The following SEMA5A variants were observed in gnomAD, a reference collection of about 807,000 sequenced individuals.
SEMA5A encodes semaphorin 5A.
SEMA5A carries 55 observed loss-of-function variants against 135.5 expected under a neutral mutation model. The observed-to-expected ratio is 0.41, with a 90% CI of 0.33 to 0.51. The LOEUF (loss-of-function observed/expected upper bound fraction) is 0.51, where lower values mean the gene tolerates loss of function less well. Ranked by LOEUF, SEMA5A falls within the 20% of genes least tolerant of loss-of-function variation. The pLI is 0.37. For missense variants in SEMA5A, 1,290 were observed against 1,419.9 expected (o/e 0.91, Z 1.47); for synonymous variants, 580 against 546.5 (o/e 1.06, Z -0.85).
intron 19 of SEMA5A, among the ~76,000 whole-genome samples, chr5:9,052,514 G>C (rs1162481935): frequency 6.6e-6 from 1 of 152,136 alleles, no homozygotes; most frequent in Non-Finnish European, 1.5e-5. Flanking sequence ...GAGAGTCCTG[G>C]GTTGCTGAAA....
chr5:9,371,213 CTT>C (rs1309505994), intron 3 of SEMA5A, among the ~76,000 whole-genome samples: 2 of 152,042 alleles, frequency 1.3e-5, no homozygotes, highest in Non-Finnish European at 2.9e-5. Context: ...AATATTCAAT[CTT>C]ATAAATTATT....
intron 5 of SEMA5A, among the ~76,000 whole-genome samples, chr5:9,268,886 C>T (rs1188118309): frequency 1.3e-5 from 2 of 151,996 alleles, no homozygotes; most frequent in South Asian, 2.1e-4. Context: ...TTTAAACATA[C>T]TAATTTATTT....
intron 5 of SEMA5A, among the ~76,000 whole-genome samples, chr5:9,270,355 G>T (rs1050578678): frequency 6.6e-6 from 1 of 151,936 alleles, no homozygotes; most frequent in Non-Finnish European, 1.5e-5. Context: ...AGCCATGCAT[G>T]ACTACATATT....
intron 5 of SEMA5A, among the ~76,000 whole-genome samples, chr5:9,259,742 AGT>A (rs1749299535): frequency 1.7e-5 from 2 of 118,004 alleles, no homozygotes; most frequent in African/African-American, 6.5e-5. Context: ...CATTCAAAGC[AGT>A]GTGTAGAGGG....
At chr5:9,399,049 T>G (rs1756531193) in intron 2 of SEMA5A, among the ~76,000 whole-genome samples, 1 of 152,212 alleles carries the variant, frequency 6.6e-6, no homozygotes, top group African/African-American at 2.4e-5. Context: ...GATAGTTACC[T>G]CTCTATAAAA....
chr5:9,081,798 A>G (rs535532825), intron 16 of SEMA5A, among the ~76,000 whole-genome samples: 2 of 152,332 alleles, frequency 1.3e-5, no homozygotes, highest in East Asian at 3.9e-4. Flanking sequence ...CAATTCCATT[A>G]AAACTCTGAA....
intron 6 of SEMA5A, among the ~76,000 whole-genome samples, chr5:9,235,595 C>T (rs527820303): frequency 1.3e-5 from 2 of 150,276 alleles, no homozygotes; most frequent in Non-Finnish European, 2.9e-5. Context: ...GCACTGGGAC[C>T]TGGGAGAGGG....
chr5:9,511,889 T>C (rs545615327), intron 1 of SEMA5A: 3 of 152,096 alleles, frequency 2.0e-5, no homozygotes, highest in Non-Finnish European at 4.4e-5. Flanking sequence ...AACAAACAAT[T>C]TGAGGGCAAG....
chr5:9,162,404 GTATATA>G (rs140481114), intron 11 of SEMA5A, among the ~76,000 whole-genome samples: 9,509 of 124,112 alleles, frequency 0.077, 378 homozygotes, highest in African/African-American at 0.13. Flanking sequence ...GTGTGTGTGT[GTATATA>G]TATGTGTGTG....
At chr5:9,080,886 C>A (rs1028603481) in intron 16 of SEMA5A, among the ~76,000 whole-genome samples, 3 of 152,212 alleles carry the variant, frequency 2.0e-5, no homozygotes, top group Non-Finnish European at 4.4e-5. Context: ...CCCCGAGATT[C>A]CCACCACCTG....
chr5:9,432,123 A>G (rs1757878124), intron 2 of SEMA5A, among the ~76,000 whole-genome samples: 1 of 150,390 alleles, frequency 6.6e-6, no homozygotes, highest in Admixed American at 6.6e-5. Flanking sequence ...TTCTCCTGTC[A>G]GTGAGCTTTG....
intron 21 of SEMA5A, among the ~76,000 whole-genome samples, chr5:9,046,248 C>T (rs1736246429): frequency 1.3e-5 from 2 of 152,204 alleles, no homozygotes; most frequent in South Asian, 4.1e-4. Context: ...ACCTGTCAAC[C>T]CTGCACCCAG....
chr5:9,426,232 T>G lies in SEMA5A; in HGVS notation c.-78+11524A>C, dbSNP rs962634790. On this transcript the variant is annotated intron_variant, in intron 2 of 22. Coordinates refer to ENST00000382496, the MANE Select transcript of SEMA5A (RefSeq NM_003966.3). ...GCGGGCAGATCATGAGGTCAGGAGA[T>G]CAAGACCACGGTGAAACCCCGTCTC... 7.9e-5 allele frequency among the ~76,000 whole-genome samples: 12 copies of G among 151,822 alleles called. 1 individual carries two copies. The highest frequency in any genetic ancestry group is 1.5e-4 in the Non-Finnish European group (10 of 67,962).
At chr5:9,460,420 CA>C (rs1759011428) in intron 1 of SEMA5A, among the ~76,000 whole-genome samples, 1 of 151,770 alleles carries the variant, frequency 6.6e-6, no homozygotes, top group South Asian at 2.1e-4. Context: ...AGTATATACC[CA>C]AAACATGAAA....
chr5:9,411,479 A>C lies in SEMA5A; in HGVS notation c.-78+26277T>G, dbSNP rs80073260. 4.1e-3 allele frequency among the ~76,000 whole-genome samples: 624 copies of C among 152,274 alleles called. 6 individuals carry two copies. Among genetic ancestry groups the C allele is most frequent in the African/African-American group, 0.014 (586 of 41,538 alleles). On this transcript the variant is annotated intron_variant, in intron 2 of 22. Transcript: ENST00000382496. ...GAAGCACACCTGAGCCTCCCTATAC[A>C]GTGCCCAACTAGAAGAGGCTGAGCA...
intron 17 of SEMA5A, among the ~76,000 whole-genome samples, chr5:9,065,842 G>A (rs1432093921): frequency 6.6e-6 from 1 of 152,196 alleles, no homozygotes; most frequent in Non-Finnish European, 1.5e-5. Flanking sequence ...TGGTGTTAGG[G>A]CCAGGCAGAG....
At chr5:9,091,738 C>A (rs528192319) in intron 16 of SEMA5A, among the ~76,000 whole-genome samples, 2 of 152,134 alleles carry the variant, frequency 1.3e-5, no homozygotes, top group Non-Finnish European at 2.9e-5. Context: ...TAATGCGGCA[C>A]CCTCAGGACC....
chr5:9,123,626 C>T (rs191492174), intron 13 of SEMA5A, among the ~76,000 whole-genome samples: 2 of 152,154 alleles, frequency 1.3e-5, no homozygotes, highest in East Asian at 3.9e-4. Context: ...GCTGCACAAC[C>T]CCATTGCATG....
At chr5:9,158,603 G>A (rs962349562) in intron 11 of SEMA5A, among the ~76,000 whole-genome samples, 1 of 151,932 alleles carries the variant, frequency 6.6e-6, no homozygotes, top group African/African-American at 2.4e-5. Flanking sequence ...GTGCTGACCA[G>A]AGGATGCTCA....
Sources: allele counts gnomAD v4.1 joint callset (sites outside exome capture counted in the v4.1 genomes callset), GRCh38; gene constraint gnomAD v4.1.1; transcripts MANE v1.5; gene names NCBI Gene and HGNC (gene_info 2026-07-23, HGNC 2026-07-21).